Variants in SCAF8 observed in about 807,000 individuals in gnomAD.
The protein encoded by SCAF8 is SR-related CTD associated factor 8.
A neutral mutation model predicts 140.5 loss-of-function variants in SCAF8; 23 were observed. The observed-to-expected ratio is 0.16, with a 90% CI of 0.12 to 0.23. SCAF8 has a LOEUF of 0.23. Ranked by LOEUF, SCAF8 falls within the 10% of genes least tolerant of loss-of-function variation. SCAF8 has a pLI of 1.00. For missense variants in SCAF8, 1,397 were observed against 1,555.7 expected, an observed-to-expected ratio of 0.90 and a Z score of 1.72; for synonymous variants, 575 against 528.9, an observed-to-expected ratio of 1.09 and a Z score of -1.20.
intron 5 of SCAF8, among the ~76,000 whole-genome samples, chr6:154,793,815 CA>C (rs59257286): frequency 0.028 from 1,905 of 69,244 alleles, 19 homozygotes; most frequent in African/African-American, 0.085. Flanking sequence ...AACTCTGTCT[CA>C]AAAAAAAAAA....
intron 6 of SCAF8, among the ~76,000 whole-genome samples, chr6:154,797,679 C>T (rs1186235847): frequency 1.3e-5 from 2 of 151,420 alleles, no homozygotes; most frequent in African/African-American, 4.8e-5. Context: ...CAGGTGTGAA[C>T]CACCGTGCCC....
chr6:154,733,953 C>T (rs1050664880), intron 1 of SCAF8, 23 bp downstream of exon 1: 1 of 1,521,850 alleles, frequency 6.6e-7, no homozygotes, highest in Admixed American at 2.5e-5. Flanking sequence ...GCCGGGTTCC[C>T]CTGCTCCTGC....
intron 3 of SCAF8, among the ~76,000 whole-genome samples, chr6:154,785,535 A>G (rs1777227886): frequency 1.3e-5 from 2 of 152,192 alleles, no homozygotes; most frequent in Admixed American, 1.3e-4. Flanking sequence ...CTGTCGAGCC[A>G]TCTTTCTTAC....
In SCAF8 at chr6:154,760,432, A is replaced by C. The variant is rs186384235; in HGVS notation, c.31-13557A>C. ...AGATGTTTGCATATTTCAGACTTAC[A>C]ATTTTAGGAAAATAAACATCACTTC... On this transcript the variant is annotated intron_variant, in intron 1 of 19. Coordinates refer to ENST00000367178, the MANE Select transcript of SCAF8 (RefSeq NM_014892.5). Among the ~76,000 whole-genome samples, 323 of 152,312 alleles carry C rather than the reference A, an allele frequency of 2.1e-3. 1 individual carries two copies. Among genetic ancestry groups the C allele is most frequent in the Non-Finnish European group, 2.7e-3 (183 of 68,032 alleles).
chr6:154,818,650 T>G (rs568987044), intron 14 of SCAF8, 58 bp downstream of exon 14: 37 of 770,564 alleles, frequency 4.8e-5, no homozygotes, highest in South Asian at 4.8e-4. Context: ...ATGTCTGTTA[T>G]GTTAAAGTCT....
chr6:154,811,532 A>T lies in SCAF8; in HGVS notation c.1420+1324A>T, dbSNP rs560644962. 2.8e-3 allele frequency among the ~76,000 whole-genome samples: 431 copies of T among 151,960 alleles called. 3 individuals are homozygous for T. The highest frequency in any genetic ancestry group is 0.01 in the African/African-American group (422 of 41,472). On this transcript the variant is annotated intron_variant, in intron 12 of 19. Transcript: ENST00000367178. ...GCTGCACCCATCAACCCGTCATCTA[A>T]GTTTTTTCTTTTTTTTAAATTATAC... is the stretch of plus-strand genomic sequence containing the variant.
intron 9 of SCAF8, among the ~76,000 whole-genome samples, chr6:154,807,821 A>C (rs1777966401): frequency 6.6e-6 from 1 of 152,200 alleles, no homozygotes; most frequent in Non-Finnish European, 1.5e-5. Flanking sequence ...TTGAAAATTT[A>C]CTTGATTTTA....
At position 154,805,496 on chromosome 6, in the gene SCAF8, C is replaced by T. The variant is rs760779203; in HGVS notation, c.981+10C>T. On this transcript the variant is annotated intron_variant, in intron 9 of 19. Coordinates refer to ENST00000367178, the MANE Select transcript of SCAF8 (RefSeq NM_014892.5). ...GCAACAGCCTCAAAAGGTTTATAACCCCATCTTGTGGTCTTTAGAGTTATT... is the reference window on the plus strand; with the variant it reads ...GCAACAGCCTCAAAAGGTTTATAACTCCATCTTGTGGTCTTTAGAGTTATT... The T allele has an allele frequency of 1.6e-5, 24 of 1,505,388 alleles. No individual in the cohort carries two copies. Among genetic ancestry groups the T allele is most frequent in the Middle Eastern group, 1.7e-4 (1 of 5,812 alleles). The allele number at this position is 1,505,388 out of a possible 1,614,324, so 93.3% of individuals were successfully genotyped here.
At position 154,830,978 on chromosome 6, in the gene SCAF8, G is replaced by A; in HGVS notation, c.2197G>A (p.Gly733Ser). The change falls in exon 19 of 20, where the codon GGT becomes AGT. Residue 733 changes from glycine (G) to serine (S), a missense_variant. Around this residue, in one of 5 missense-constraint regions of SCAF8, gnomAD observed 930 missense variants for 874.6 expected, o/e 1.06. Transcript: ENST00000367178. ...GGAAACTGTGAAAGATGTTGGATTTGGTAGCCTTGTTATACCAGGCGGTTC... is the reference window on the plus strand; with the variant it reads ...GGAAACTGTGAAAGATGTTGGATTTAGTAGCCTTGTTATACCAGGCGGTTC... ...TPETVKDVGFGSLVIPGGSVA... is the reference protein window; with the variant it reads ...TPETVKDVGFSSLVIPGGSVA... 6.2e-7 allele frequency: 1 copy of A among 1,614,046 alleles called. No homozygotes were observed. The highest frequency in any genetic ancestry group is 8.5e-7 in the Non-Finnish European group (1 of 1,179,954).
chr6:154,787,983 C>T lies in SCAF8; in HGVS notation c.282C>T (p.Ser94=). Residue 94 remains serine, a synonymous_variant, in exon 4 of 20, where the codon AGC becomes AGT. Transcript: ENST00000367178. ...FAPRFSNNII[S]TFQNLYRCPG... is the part of the protein sequence containing the mutation. ...CCAGATTTAGTAATAACATCATTAGCACTTTCCAGAATTTATATCGTTGCC... is the reference window on the plus strand; with the variant it reads ...CCAGATTTAGTAATAACATCATTAGTACTTTCCAGAATTTATATCGTTGCC... 1.2e-6 allele frequency: 2 copies of T among 1,612,650 alleles called. No homozygotes were observed.
chr6:154,760,431 C>G (rs920645043), intron 1 of SCAF8, among the ~76,000 whole-genome samples: 2 of 152,160 alleles, frequency 1.3e-5, no homozygotes, highest in African/African-American at 2.4e-5. Flanking sequence ...TTCAGACTTA[C>G]AATTTTAGGA....
Position 154,733,868 on chromosome 6 carries a change from C to T in SCAF8, c.-33C>T, listed in dbSNP as rs1282088176. On this transcript the variant is annotated 5_prime_UTR_variant, in exon 1 of 20. Coordinates refer to ENST00000367178, the MANE Select transcript of SCAF8 (RefSeq NM_014892.5). ...CCAGTGCAGTGGCCGCCGCCTCTTC[C>T]GCCGCCGGGCTCGGGGCCTCCGCAG... is the stretch of plus-strand genomic sequence containing the variant. The T allele has an allele frequency of 1.9e-6, 3 of 1,544,258 alleles. No homozygotes were observed. Among genetic ancestry groups the T allele is most frequent in the Non-Finnish European group, 2.6e-6 (3 of 1,150,686 alleles).
At chr6:154,778,895 A>G (rs2114853927) in intron 3 of SCAF8, among the ~76,000 whole-genome samples, 1 of 151,970 alleles carries the variant, frequency 6.6e-6, no homozygotes, top group Non-Finnish European at 1.5e-5. Flanking sequence ...TGTCTGTTTC[A>G]CTTAAAGTTT....
chr6:154,778,337 G>A (rs574909906), intron 3 of SCAF8, among the ~76,000 whole-genome samples: 2 of 152,314 alleles, frequency 1.3e-5, no homozygotes, highest in East Asian at 3.9e-4. Flanking sequence ...GTTCCACTTG[G>A]GAGAAGGGTG....
At chr6:154,759,853 G>T (rs931066107) in intron 1 of SCAF8, among the ~76,000 whole-genome samples, 1 of 151,978 alleles carries the variant, frequency 6.6e-6, no homozygotes, top group Non-Finnish European at 1.5e-5. Context: ...TTTTTTAGTA[G>T]AGATGGGGTT....
intron 9 of SCAF8, among the ~76,000 whole-genome samples, chr6:154,806,145 C>T (rs1048115198): frequency 6.6e-6 from 1 of 152,076 alleles, no homozygotes; most frequent in Non-Finnish European, 1.5e-5. Context: ...TTTAAAACAT[C>T]GATAACTAAA....
chr6:154,761,970 G>A (rs1776415084), intron 1 of SCAF8, among the ~76,000 whole-genome samples: 1 of 152,086 alleles, frequency 6.6e-6, no homozygotes, highest in Non-Finnish European at 1.5e-5. Context: ...GCAAAATACT[G>A]AATTTTTATT....
chr6:154,738,211 A>T (rs989120847), intron 1 of SCAF8, among the ~76,000 whole-genome samples: 2 of 151,660 alleles, frequency 1.3e-5, no homozygotes, highest in South Asian at 4.2e-4. Context: ...AAAAAAAAAG[A>T]AAAGAAAACC....
At chr6:154,831,290 T>G (rs1778724519) in intron 19 of SCAF8, 150 bp downstream of exon 19, 1 of 573,298 alleles carries the variant, frequency 1.7e-6, no homozygotes, top group African/African-American at 1.9e-5. Context: ...GTCCTAAAAT[T>G]TCTATTTGAA....
Sources: allele counts gnomAD v4.1 joint callset (sites outside exome capture counted in the v4.1 genomes callset), GRCh38; gene constraint gnomAD v4.1.1; regional missense constraint gnomAD v4.1.1; transcripts MANE v1.5; gene names NCBI Gene and HGNC (gene_info 2026-07-23, HGNC 2026-07-21).